Variants in MAPK14 observed in about 807,000 individuals in gnomAD.
MAPK14 encodes the protein mitogen-activated protein kinase 14, also known as CSAID-binding protein.
Under a neutral mutation model 49.6 loss-of-function variants are expected in MAPK14, and 16 were observed. That is an observed-to-expected ratio of 0.32 (90% CI 0.22 to 0.49). MAPK14 has a LOEUF of 0.49. Among genes scored for constraint, MAPK14 ranks in the 20% least tolerant of loss-of-function variants. The pLI is 0.99. For missense variants in MAPK14, 200 were observed against 441.2 expected, an observed-to-expected ratio of 0.45 and a Z score of 4.90; for synonymous variants, 142 against 158.0, an observed-to-expected ratio of 0.90 and a Z score of 0.76.
chr6:36,116,705 C>T, the MAPK14 span, among the ~76,000 whole-genome samples: 1 of 152,136 alleles, frequency 6.6e-6, no homozygotes, highest in Non-Finnish European at 1.5e-5. Context: ...CACCTGGAGT[C>T]CTAAGAAGTG....
chr6:36,104,863 T>C (rs1243387958), intron 10 of MAPK14, among the ~76,000 whole-genome samples: 2 of 152,210 alleles, frequency 1.3e-5, no homozygotes, highest in East Asian at 1.9e-4. Context: ...TTAGGTCACA[T>C]ACCTCCTGAT....
At chr6:36,062,928 G>A (rs1371382848) in intron 3 of MAPK14, among the ~76,000 whole-genome samples, 6 of 152,096 alleles carry the variant, frequency 3.9e-5, no homozygotes, top group Non-Finnish European at 2.9e-5. Flanking sequence ...AAAGTGCTAG[G>A]ATTGTAGGTG....
intron 1 of MAPK14, among the ~76,000 whole-genome samples, chr6:36,036,541 G>A (rs9462154): frequency 0.35 from 48,511 of 138,820 alleles, 8,539 homozygotes; most frequent in South Asian, 0.58. Context: ...AATCAATGCA[G>A]CAATTCACCG....
intron 1 of MAPK14, among the ~76,000 whole-genome samples, chr6:36,045,523 C>T: frequency 6.6e-6 from 1 of 151,924 alleles, no homozygotes; most frequent in East Asian, 1.9e-4. Context: ...TAAAAAGGAC[C>T]TCTGGCCGGG....
In MAPK14 at chr6:36,107,326, C is replaced by G; in HGVS notation, c.842-129C>G. ...TAAAGGAGAAGAGGGCTAATATATC[C>G]TAGAGTAGGTATTTTGGAGGAGAGT... On this transcript the variant is annotated intron_variant, in intron 10 of 11. Transcript: ENST00000229794. The surrounding 1 kb of genome is among the most constrained non-coding windows in gnomAD (Gnocchi z 4.3). 1.8e-6 allele frequency: 1 copy of G among 563,338 alleles called. No individual in the cohort carries two copies. Among genetic ancestry groups the G allele is most frequent in the Admixed American group, 3.2e-5 (1 of 31,406 alleles). 34.9% of individuals were successfully genotyped at this position (563,338 alleles called of 1,614,324 possible).
At chr6:36,075,584 T>C (rs1254355001) in intron 6 of MAPK14, among the ~76,000 whole-genome samples, 1 of 152,226 alleles carries the variant, frequency 6.6e-6, no homozygotes, top group Non-Finnish European at 1.5e-5. Flanking sequence ...GTGCAAACCT[T>C]TGTATGGACG....
Position 36,085,259 on chromosome 6 carries a change from C to A in MAPK14, c.682+8651C>A, listed in dbSNP as rs9368902. 8.9e-4 allele frequency among the ~76,000 whole-genome samples: 135 copies of A among 152,268 alleles called. No individual in the cohort carries two copies. The East Asian group carries it at 0.025, about 29-fold the overall frequency. On this transcript the variant is annotated intron_variant, in intron 8 of 11. Coordinates refer to ENST00000229794, the MANE Select transcript of MAPK14 (RefSeq NM_139012.3). ...TAACACTATGAAGCAGTTACCTCAA[C>A]AAGTCTGCAAAATAACCAGCTAGCA...
At chr6:36,090,136 TA>T (rs1449121033) in intron 8 of MAPK14, among the ~76,000 whole-genome samples, 4 of 146,452 alleles carry the variant, frequency 2.7e-5, no homozygotes, top group Admixed American at 2.0e-4. Flanking sequence ...GCTTCTTATA[TA>T]TTTTTTTTTA....
rs1562089322 is a variant in MAPK14, at chr6:36,028,121, C to G, written c.-37C>G. ...GGTGCGGGTGCAGGCGGGGGCCCCA[C>G]AGGGCCACCTTCTTGCCCGGCGGCT... On this transcript the variant is annotated 5_prime_UTR_variant, in exon 1 of 12. Coordinates refer to ENST00000229794, the MANE Select transcript of MAPK14 (RefSeq NM_139012.3). This position sits in a 1 kb window ranked among gnomAD's most constrained non-coding sequence, Gnocchi z 5.1. 1.3e-6 allele frequency: 2 copies of G among 1,482,450 alleles called. No homozygotes were observed. The highest frequency in any genetic ancestry group is 1.2e-5 in the South Asian group (1 of 86,028). 91.8% of individuals were successfully genotyped at this position (1,482,450 alleles called of 1,614,324 possible).
At chr6:36,045,319 T>C (rs1036206514) in intron 1 of MAPK14, among the ~76,000 whole-genome samples, 2 of 152,298 alleles carry the variant, frequency 1.3e-5, no homozygotes, top group South Asian at 2.1e-4. Flanking sequence ...TATGTCTCCT[T>C]CTTGAACAGA....
intron 9 of MAPK14, among the ~76,000 whole-genome samples, chr6:36,099,877 A>G (rs780881831): frequency 1.3e-5 from 2 of 152,206 alleles, no homozygotes; most frequent in Non-Finnish European, 2.9e-5. Flanking sequence ...AAACAGTTCT[A>G]TGGCTGGCAT....
chr6:36,076,169 T>C (rs187922875), intron 7 of MAPK14, among the ~76,000 whole-genome samples: 1 of 152,302 alleles, frequency 6.6e-6, no homozygotes, highest in East Asian at 1.9e-4. Flanking sequence ...GATTTAGCAA[T>C]TGGGTTTTTA....
intron 3 of MAPK14, among the ~76,000 whole-genome samples, chr6:36,068,728 A>T (rs563977645): frequency 6.6e-6 from 1 of 152,108 alleles, no homozygotes; most frequent in Non-Finnish European, 1.5e-5. Context: ...GGTGGGGAGG[A>T]AGAGGGCGGG....
intron 10 of MAPK14, among the ~76,000 whole-genome samples, chr6:36,105,603 C>G (rs1007720731): frequency 2.0e-5 from 3 of 152,122 alleles, no homozygotes; most frequent in Non-Finnish European, 4.4e-5. Flanking sequence ...AGGCATTCAC[C>G]TAGTACTGTA....
In MAPK14 at chr6:36,028,680, C is replaced by T. The variant is rs1186802078; in HGVS notation, c.116+407C>T. Reference sequence around the variant, plus strand: ...ACGCTGGGGCTCCGGACCCTGGGTCCTCTGAGCAGACAAGCTCGGGGAACT... The same window carrying T: ...ACGCTGGGGCTCCGGACCCTGGGTCTTCTGAGCAGACAAGCTCGGGGAACT... On this transcript the variant is annotated intron_variant, in intron 1 of 11. Coordinates refer to ENST00000229794, the MANE Select transcript of MAPK14 (RefSeq NM_139012.3). The surrounding 1 kb of genome is among the most constrained non-coding windows in gnomAD (Gnocchi z 5.1). Among the ~76,000 whole-genome samples, 1 of 152,152 alleles carries T rather than the reference C, an allele frequency of 6.6e-6. No individual in the cohort carries two copies. The highest frequency in any genetic ancestry group is 1.5e-5 in the Non-Finnish European group (1 of 68,016).
At chr6:36,050,018 G>A (rs899258222) in intron 1 of MAPK14, among the ~76,000 whole-genome samples, 1 of 152,196 alleles carries the variant, frequency 6.6e-6, no homozygotes. Flanking sequence ...CATGTCAAAC[G>A]ATCATTTTCG....
intron 8 of MAPK14, among the ~76,000 whole-genome samples, chr6:36,081,024 G>A (rs1006510064): frequency 2.6e-5 from 4 of 151,940 alleles, no homozygotes; most frequent in African/African-American, 9.7e-5. Context: ...TAATTAGGTT[G>A]TTTGTGTTTT....
intron 8 of MAPK14, among the ~76,000 whole-genome samples, chr6:36,089,715 G>C (rs1457375152): frequency 6.6e-6 from 1 of 152,004 alleles, no homozygotes. Flanking sequence ...AGTTGACTAG[G>C]GATATCAAGT....
In MAPK14 at chr6:36,028,918, C is replaced by T. The variant is rs61763103; in HGVS notation, c.116+645C>T. On this transcript the variant is annotated intron_variant, in intron 1 of 11. Transcript: ENST00000229794. The surrounding 1 kb of genome is among the most constrained non-coding windows in gnomAD (Gnocchi z 5.1). ...AATACCGACTTTATCTCGGTGAGCA[C>T]TGTGCCAGCTTGAGTGGTGTGTTTC... Among the ~76,000 whole-genome samples, 2,084 of 151,142 alleles carry T rather than the reference C, an allele frequency of 0.014. 60 individuals are homozygous for T. Among genetic ancestry groups the T allele is most frequent in the African/African-American group, 0.048 (1,956 of 41,162 alleles).
Sources: allele counts gnomAD v4.1 joint callset (sites outside exome capture counted in the v4.1 genomes callset), GRCh38; gene constraint gnomAD v4.1.1; non-coding constraint Gnocchi (gnomAD v3.1); transcripts MANE v1.5; gene names NCBI Gene and HGNC (gene_info 2026-07-23, HGNC 2026-07-21).